Variants in SLC25A48 observed in about 807,000 individuals in gnomAD.
SLC25A48 encodes CTC-321K16.1.
Under a neutral mutation model 32.2 loss-of-function variants are expected in SLC25A48, and 29 were observed. The observed-to-expected ratio is 0.90, with a 90% CI of 0.67 to 1.23. The LOEUF (loss-of-function observed/expected upper bound fraction) is 1.23. SLC25A48 is among the 50% of genes most tolerant of loss of function. SLC25A48 has a pLI of 0.00. For synonymous variants in SLC25A48, 164 were observed against 172.3 expected (o/e 0.95, Z 0.38); for missense variants, 399 against 422.7 (o/e 0.94, Z 0.49).
intron 5 of SLC25A48, chr5:135,871,985 C>G: frequency 7.4e-7 from 1 of 1,347,530 alleles, no homozygotes; most frequent in East Asian, 2.6e-5. Context: ...TCAGGCATTA[C>G]TAAGCTTTGG....
At chr5:135,741,634 A>G (rs944269549) in intron 3 of SLC25A48, among the ~76,000 whole-genome samples, 1 of 152,144 alleles carries the variant, frequency 6.6e-6, no homozygotes, top group African/African-American at 2.4e-5. Flanking sequence ...GCTATTTGGG[A>G]GGCTGAGGTG....
At chr5:135,754,085 G>A (rs1260142565) in intron 3 of SLC25A48, among the ~76,000 whole-genome samples, 1 of 151,674 alleles carries the variant, frequency 6.6e-6, no homozygotes, top group Non-Finnish European at 1.5e-5. Context: ...CACCCACTGT[G>A]ACAGTGGCAG....
chr5:135,732,909 C>CTGAT (rs1755264113), intron 3 of SLC25A48, among the ~76,000 whole-genome samples: 1 of 152,152 alleles, frequency 6.6e-6, no homozygotes, highest in African/African-American at 2.4e-5. Flanking sequence ...GCGATGGGAT[C>CTGAT]TGATGCCTTT....
intron 1 of SLC25A48, among the ~76,000 whole-genome samples, chr5:135,603,839 C>T (rs7444736): frequency 0.49 from 74,825 of 151,612 alleles, 18,924 homozygotes; most frequent in African/African-American, 0.62. Flanking sequence ...ATCGGGCACC[C>T]TCTGTCACCT....
At chr5:135,843,745 G>A (rs1240009712) in intron 2 of SLC25A48, among the ~76,000 whole-genome samples, 3 of 152,250 alleles carry the variant, frequency 2.0e-5, no homozygotes, top group African/African-American at 4.8e-5. Flanking sequence ...GGAACAGGCT[G>A]CGATGTACAT....
At chr5:135,673,179 G>A (rs1463547510) in intron 3 of SLC25A48, among the ~76,000 whole-genome samples, 1 of 152,164 alleles carries the variant, frequency 6.6e-6, no homozygotes, top group Non-Finnish European at 1.5e-5. Flanking sequence ...AAATAAAGCT[G>A]TTATGCACAT....
At chr5:135,659,100 C>A (rs909150591) in intron 3 of SLC25A48, among the ~76,000 whole-genome samples, 2 of 152,196 alleles carry the variant, frequency 1.3e-5, no homozygotes, top group African/African-American at 4.8e-5. Flanking sequence ...ACAACATGGT[C>A]GATCTGCAAA....
chr5:135,883,309 A>G (rs1762603559), intron 7 of SLC25A48: 1 of 985,502 alleles, frequency 1.0e-6, no homozygotes, highest in Non-Finnish European at 1.2e-6. Context: ...TTGGACCTGC[A>G]CCTGGTAACA....
At chr5:135,630,299 T>G (rs769505616) in intron 2 of SLC25A48, among the ~76,000 whole-genome samples, 16 of 152,218 alleles carry the variant, frequency 1.1e-4, no homozygotes, top group Non-Finnish European at 1.8e-4. Flanking sequence ...GAAAGGTTTC[T>G]TCTGCTGCTC....
chr5:135,686,838 G>A (rs977642396), intron 3 of SLC25A48, among the ~76,000 whole-genome samples: 1 of 152,172 alleles, frequency 6.6e-6, no homozygotes, highest in Non-Finnish European at 1.5e-5. Flanking sequence ...ATGAATAGAT[G>A]AACTGATGGA....
intron 4 of SLC25A48, among the ~76,000 whole-genome samples, chr5:135,856,406 C>G (rs1361645941): frequency 6.6e-6 from 1 of 152,178 alleles, no homozygotes; most frequent in Non-Finnish European, 1.5e-5. Flanking sequence ...TGGGTTTCAG[C>G]ATGTATCATG....
chr5:135,681,016 G>C (rs191634966), intron 3 of SLC25A48, among the ~76,000 whole-genome samples: 1 of 150,738 alleles, frequency 6.6e-6, no homozygotes, highest in African/African-American at 2.4e-5. Context: ...ATGGAGTTTC[G>C]CTCTAGTTGG....
In SLC25A48 at chr5:135,888,246, A is replaced by C. The variant is rs536605167; in HGVS notation, c.*222A>C. On this transcript the variant is annotated 3_prime_UTR_variant, in exon 8 of 8. Coordinates refer to ENST00000681962, the MANE Select transcript of SLC25A48 (RefSeq NM_001349336.2). ...TCCAAGGTTCTGATCCCCAATGCCC[A>C]CTCTGCTAGGCTGGCATCAAAGAGC... The C allele has an allele frequency of 4.2e-5, 24 of 577,730 alleles. No individual in the cohort carries two copies. Among genetic ancestry groups the C allele is most frequent in the Non-Finnish European group, 6.6e-5 (22 of 331,892 alleles). 35.8% of individuals were successfully genotyped at this position (577,730 alleles called of 1,614,324 possible).
In SLC25A48 at chr5:135,707,122, T is replaced by G. The variant is rs61446029; in HGVS notation, c.-521+72166T>G. On this transcript the variant is annotated intron_variant, in intron 3 of 10. Coordinates refer to the SLC25A48 transcript ENST00000646290. ...GGGCCCCCATGTGCTGCAGGAGAAG[T>G]GGGGTAGGGTGGAAGCTGTCCAGGG... Among the ~76,000 whole-genome samples, 735 of 151,992 alleles carry G rather than the reference T, an allele frequency of 4.8e-3. 3 individuals carry two copies. The highest frequency in any genetic ancestry group is 0.017 in the African/African-American group (689 of 41,458).
intron 3 of SLC25A48, among the ~76,000 whole-genome samples, chr5:135,745,404 T>C (rs1755616131): frequency 6.6e-6 from 1 of 152,128 alleles, no homozygotes; most frequent in South Asian, 2.1e-4. Context: ...ACCAACAACC[T>C]CCAGCGTGGG....
intron 1 of SLC25A48, among the ~76,000 whole-genome samples, chr5:135,590,387 C>T (rs1346416661): frequency 2.6e-5 from 4 of 152,214 alleles, no homozygotes; most frequent in African/African-American, 9.6e-5. Flanking sequence ...CCCATGGGCC[C>T]CCGGCCCCAG....
chr5:135,778,382 C>T (rs562530452), intron 3 of SLC25A48, among the ~76,000 whole-genome samples: 179 of 151,164 alleles, frequency 1.2e-3, no homozygotes, highest in African/African-American at 3.9e-3. Context: ...GATGTGATAT[C>T]GTTCCTAATA....
At chr5:135,749,653 A>C (rs556739363) in intron 3 of SLC25A48, among the ~76,000 whole-genome samples, 1 of 152,056 alleles carries the variant, frequency 6.6e-6, no homozygotes, top group African/African-American at 2.4e-5. Context: ...GTACAATGGC[A>C]TGATCTTGGC....
intron 3 of SLC25A48, among the ~76,000 whole-genome samples, chr5:135,798,230 A>G (rs1757235721): frequency 1.3e-5 from 2 of 151,490 alleles, no homozygotes; most frequent in Non-Finnish European, 2.9e-5. Flanking sequence ...ATTATTCCTA[A>G]TTACTCAGAT....
Sources: allele counts gnomAD v4.1 joint callset (sites outside exome capture counted in the v4.1 genomes callset), GRCh38; gene constraint gnomAD v4.1.1; transcripts MANE v1.5; gene names NCBI Gene and HGNC (gene_info 2026-07-23, HGNC 2026-07-21).